Variants in VAPB observed in about 807,000 individuals in gnomAD.
The protein encoded by VAPB is vesicle-associated membrane protein-associated protein B/C.
A neutral mutation model predicts 25.6 loss-of-function variants in VAPB; 7 were observed. The observed-to-expected ratio is 0.27, with a 90% CI of 0.16 to 0.51. The LOEUF is 0.51. Among genes scored for constraint, VAPB ranks in the 20% least tolerant of loss-of-function variants. VAPB has a pLI of 0.97. For synonymous variants in VAPB, 112 were observed against 109.2 expected (o/e 1.03, Z -0.16); for missense variants, 266 against 301.3 (o/e 0.88, Z 0.87).
intron 1 of VAPB, among the ~76,000 whole-genome samples, chr20:58,405,742 CTTTTTTTTTTTTT>C (rs71181964): frequency 6.2e-4 from 27 of 43,454 alleles, no homozygotes; most frequent in African/African-American, 1.9e-3. Flanking sequence ...GGCCAGGAGC[CTTTTTTTTTTTTT>C]TTTTTTTTTT....
chr20:58,440,660 C>T, intron 4 of VAPB: 3 of 408,828 alleles, frequency 7.3e-6, no homozygotes, highest in African/African-American at 2.0e-5. Context: ...CCCTTTTTCT[C>T]TTTCTTTGAA....
intron 4 of VAPB, chr20:58,440,556 G>T: frequency 3.4e-6 from 1 of 292,672 alleles, no homozygotes; most frequent in Non-Finnish European, 6.6e-6. Context: ...CATCTTTGTG[G>T]TGACAGTAAT....
At chr20:58,393,638 C>T (rs1282677990) in intron 1 of VAPB, among the ~76,000 whole-genome samples, 1 of 152,194 alleles carries the variant, frequency 6.6e-6, no homozygotes, top group Non-Finnish European at 1.5e-5. Flanking sequence ...TTCCTTACAT[C>T]CTAGCCCATT....
intron 3 of VAPB, among the ~76,000 whole-genome samples, chr20:58,437,412 T>C (rs1405403352): frequency 6.6e-6 from 1 of 152,262 alleles, no homozygotes; most frequent in Admixed American, 6.5e-5. Flanking sequence ...TGGTATTTCA[T>C]ACCAGGTTGT....
At chr20:58,425,238 G>A (rs1988760409) in intron 2 of VAPB, among the ~76,000 whole-genome samples, 1 of 152,202 alleles carries the variant, frequency 6.6e-6, no homozygotes, top group African/African-American at 2.4e-5. Flanking sequence ...TGAGAGGACG[G>A]GGAGTGCGAG....
intron 2 of VAPB, among the ~76,000 whole-genome samples, chr20:58,427,618 G>A (rs1414811836): frequency 5.3e-5 from 8 of 152,074 alleles, no homozygotes; most frequent in Non-Finnish European, 1.2e-4. Context: ...CCATTATGAT[G>A]CAGGTGAAAG....
At chr20:58,418,104 A>C in intron 1 of VAPB, 107 bp from the exon 2 acceptor site, 3 of 1,456,888 alleles carry the variant, frequency 2.1e-6, no homozygotes, top group Non-Finnish European at 2.9e-6. Flanking sequence ...TAATGAGATA[A>C]TCGTGGATCT....
chr20:58,389,303 C>A lies in VAPB; in HGVS notation c.-157C>A, dbSNP rs1463023728. On this transcript the variant is annotated 5_prime_UTR_variant, in exon 1 of 6. Transcript: ENST00000475243. ...CCTGCGCCTGCACCGCGTAGACCGACCCCCCCCCAGCGCGCCCACCCGGTA... is the reference window on the plus strand; with the variant it reads ...CCTGCGCCTGCACCGCGTAGACCGAACCCCCCCCAGCGCGCCCACCCGGTA... 4 of 451,096 alleles carry A rather than the reference C, an allele frequency of 8.9e-6. 1 individual carries two copies. The highest frequency in any genetic ancestry group is 1.1e-4 in the East Asian group (2 of 18,010). 27.9% of individuals were successfully genotyped at this position (451,096 alleles called of 1,614,324 possible).
chr20:58,404,501 T>C (rs930861131), intron 1 of VAPB, among the ~76,000 whole-genome samples: 1 of 152,222 alleles, frequency 6.6e-6, no homozygotes, highest in African/African-American at 2.4e-5. Context: ...GCTTTATAGA[T>C]TACCTTTCAT....
rs138225455 is a variant in VAPB, at chr20:58,445,684, CTGTGTGTGTGTG to C, written c.*1475_*1486del. On this transcript the variant is annotated 3_prime_UTR_variant, in exon 6 of 6. Coordinates refer to ENST00000475243, the MANE Select transcript of VAPB (RefSeq NM_004738.5). ...GAAATACGTGTTTCATGATTTAACT[CTGTGTGTGTGTG>C]TGTGTGTGTGTGTGTGTGTGTGTGT... The C allele has an allele frequency of 6.1e-4, 262 of 432,702 alleles. No individual in the cohort carries two copies. The highest frequency in any genetic ancestry group is 2.7e-3 in the South Asian group (164 of 61,034). 26.8% of individuals were successfully genotyped at this position (432,702 alleles called of 1,614,324 possible). A position where few individuals can be genotyped will look rare whatever the true frequency, so the allele number is the denominator to read the frequency against.
chr20:58,409,881 A>C (rs1038578261), intron 1 of VAPB, among the ~76,000 whole-genome samples: 7 of 150,256 alleles, frequency 4.7e-5, no homozygotes, highest in Non-Finnish European at 7.4e-5. Flanking sequence ...ATCACTTTGC[A>C]CAACAAAGAA....
intron 1 of VAPB, among the ~76,000 whole-genome samples, chr20:58,414,634 G>T (rs1294642807): frequency 6.6e-6 from 1 of 150,702 alleles, no homozygotes; most frequent in Non-Finnish European, 1.5e-5. Context: ...ATGGGCGGCC[G>T]GGCAGAGACG....
intron 4 of VAPB, chr20:58,439,507 TG>T (rs1989116286): frequency 5.3e-6 from 1 of 187,498 alleles, no homozygotes; most frequent in Non-Finnish European, 1.1e-5. Flanking sequence ...GCCTCAACAC[TG>T]TTGATATTTG....
At chr20:58,434,567 C>A in intron 2 of VAPB, 35 bp from the exon 3 acceptor site, 1 of 1,077,468 alleles carries the variant, frequency 9.3e-7, no homozygotes, top group Non-Finnish European at 1.4e-6. Flanking sequence ...GACAACCAAG[C>A]TCTGACCCTC....
chr20:58,439,347 G>A (rs1989113220), intron 4 of VAPB: 1 of 326,054 alleles, frequency 3.1e-6, no homozygotes, highest in African/African-American at 2.1e-5. Flanking sequence ...GAGTGAAAGA[G>A]GGAACAATTT....
intron 1 of VAPB, 34 bp downstream of exon 1, chr20:58,389,551 G>T (rs1375443574): frequency 4.5e-6 from 7 of 1,553,060 alleles, no homozygotes; most frequent in Non-Finnish European, 6.1e-6. Context: ...TCCTGCCCGC[G>T]GCCTCCGCCC....
rs1272752520 is a variant in VAPB at position 58,448,379 on chromosome 20, C to A, written c.*4144C>A. Reference sequence around the variant, plus strand: ...AGATCTGCTCTGATAGGAACCTTTTCAAGAAAGTTACTGTTGTTTCAATGC... The same window carrying A: ...AGATCTGCTCTGATAGGAACCTTTTAAAGAAAGTTACTGTTGTTTCAATGC... On this transcript the variant is annotated 3_prime_UTR_variant, in exon 6 of 6. Transcript: ENST00000475243. 1 of 454,070 alleles carries A rather than the reference C, an allele frequency of 2.2e-6. No individual in the cohort carries two copies. The highest frequency in any genetic ancestry group is 4.4e-6 in the Non-Finnish European group (1 of 226,786). 28.1% of individuals were successfully genotyped at this position (454,070 alleles called of 1,614,324 possible).
At chr20:58,409,791 C>T (rs1988327373) in intron 1 of VAPB, among the ~76,000 whole-genome samples, 1 of 151,882 alleles carries the variant, frequency 6.6e-6, no homozygotes, top group Non-Finnish European at 1.5e-5. Context: ...ATTGTAGCTA[C>T]ATCAGAAGAT....
chr20:58,399,098 C>G (rs1002000234), intron 1 of VAPB, among the ~76,000 whole-genome samples: 1 of 151,718 alleles, frequency 6.6e-6, no homozygotes. Context: ...GTCAGGAGTT[C>G]GAGACCAGCG....
Sources: allele counts gnomAD v4.1 joint callset (sites outside exome capture counted in the v4.1 genomes callset), GRCh38; gene constraint gnomAD v4.1.1; transcripts MANE v1.5; gene names NCBI Gene and HGNC (gene_info 2026-07-23, HGNC 2026-07-21).